The following SNRNP40 variants were observed in gnomAD, a reference collection of about 807,000 sequenced individuals.
SNRNP40 encodes small nuclear ribonucleoprotein U5 subunit 40, also known as U5 small nuclear ribonucleoprotein 40 kDa protein.
A neutral mutation model predicts 45.8 loss-of-function variants in SNRNP40; 21 were observed. The observed-to-expected ratio is 0.46, with a 90% CI of 0.32 to 0.66. The LOEUF is 0.66. SNRNP40 is among the 30% of genes least tolerant of loss of function. The pLI is 0.03. For synonymous variants in SNRNP40, 142 were observed against 163.8 expected, an observed-to-expected ratio of 0.87 and a Z score of 1.01; for missense variants, 344 against 439.1, an observed-to-expected ratio of 0.78 and a Z score of 1.94.
At chr1:31,275,155 G>T (rs1645966365) in intron 5 of SNRNP40, among the ~76,000 whole-genome samples, 2 of 152,170 alleles carry the variant, frequency 1.3e-5, no homozygotes, top group Non-Finnish European at 2.9e-5. Context: ...ACTGAGTGAT[G>T]ACTATTTGAT....
chr1:31,282,814 T>C (rs1475306664), intron 4 of SNRNP40, among the ~76,000 whole-genome samples: 6 of 152,144 alleles, frequency 3.9e-5, no homozygotes, highest in Admixed American at 3.3e-4. Context: ...TAGGTGGGAT[T>C]ACAGGCGTGT....
intron 5 of SNRNP40, among the ~76,000 whole-genome samples, chr1:31,278,300 T>C (rs143066419): frequency 7.6e-4 from 116 of 152,330 alleles, no homozygotes; most frequent in Non-Finnish European, 1.3e-3. Flanking sequence ...TGACAGTAAG[T>C]AGACTTTACT....
intron 8 of SNRNP40, among the ~76,000 whole-genome samples, chr1:31,266,483 T>TATTCAACCTCTGATTCTCCCCC (rs1645897624): frequency 6.6e-6 from 1 of 152,146 alleles, no homozygotes; most frequent in Non-Finnish European, 1.5e-5. Flanking sequence ...TGGACATCCC[T>TATTCAACCTCTGATTCTCCCCC]ATTCAACCTC....
chr1:31,276,018 T>C (rs1056577763), intron 5 of SNRNP40, among the ~76,000 whole-genome samples: 1 of 152,190 alleles, frequency 6.6e-6, no homozygotes, highest in African/African-American at 2.4e-5. Context: ...ACAGCCTAAA[T>C]GTCCAATGAC....
chr1:31,288,826 G>A (rs1646081010), intron 4 of SNRNP40, among the ~76,000 whole-genome samples: 1 of 152,044 alleles, frequency 6.6e-6, no homozygotes, highest in African/African-American at 2.4e-5. Flanking sequence ...CCACCTCCCG[G>A]GTGCACACCA....
At chr1:31,266,940 C>A (rs1214638249) in intron 8 of SNRNP40, among the ~76,000 whole-genome samples, 1 of 152,208 alleles carries the variant, frequency 6.6e-6, no homozygotes, top group Non-Finnish European at 1.5e-5. Flanking sequence ...GGAGGTACCT[C>A]ACTTTGTCTG....
chr1:31,290,833 G>A (rs1317593258), intron 3 of SNRNP40, among the ~76,000 whole-genome samples: 1 of 151,668 alleles, frequency 6.6e-6, no homozygotes, highest in Non-Finnish European at 1.5e-5. Context: ...AGCCGAGATC[G>A]CACCACTGCA....
intron 2 of SNRNP40, 27 bp from the exon 3 acceptor site, chr1:31,292,033 A>G (rs774668432): frequency 7.1e-7 from 1 of 1,404,516 alleles, no homozygotes; most frequent in Non-Finnish European, 1.0e-6. Context: ...TTCTGTGAGC[A>G]TTACTAGGCA....
intron 8 of SNRNP40, among the ~76,000 whole-genome samples, chr1:31,265,566 T>C (rs1285330193): frequency 6.6e-6 from 1 of 151,988 alleles, no homozygotes; most frequent in Non-Finnish European, 1.5e-5. Context: ...TACAGCTGGG[T>C]GCAGTGGTTC....
At chr1:31,294,109 A>G (rs1969125) in intron 1 of SNRNP40, among the ~76,000 whole-genome samples, 83,067 of 151,456 alleles carry the variant, frequency 0.55, 23,705 homozygotes, top group Non-Finnish European at 0.63. Flanking sequence ...AGGCATGCAC[A>G]ACCACGCCCG....
At chr1:31,273,640 C>CA (rs35647868) in intron 5 of SNRNP40, among the ~76,000 whole-genome samples, 89,901 of 148,912 alleles carry the variant, frequency 0.6, 27,182 homozygotes, top group Non-Finnish European at 0.65. Flanking sequence ...AACTCTGTCT[C>CA]AAAAAAAAAA....
At chr1:31,273,879 G>A (rs1645955613) in intron 5 of SNRNP40, among the ~76,000 whole-genome samples, 1 of 152,138 alleles carries the variant, frequency 6.6e-6, no homozygotes, top group South Asian at 2.1e-4. Flanking sequence ...TAGCTCTGGT[G>A]GAACAGAGAT....
At chr1:31,261,200 AAT>A in intron 9 of SNRNP40, 2 of 346,784 alleles carry the variant, frequency 5.8e-6, no homozygotes, top group East Asian at 8.1e-5. Context: ...AAAAAAAAAA[AAT>A]TAGCTGGGCA....
chr1:31,296,730 T>TA lies in SNRNP40; in HGVS notation c.21dup (p.Lys8Ter), dbSNP rs778648676. 6 of 1,611,900 alleles carry TA rather than the reference T, an allele frequency of 3.7e-6. No individual in the cohort carries two copies. The Admixed American group carries it at 5.0e-5, about 14-fold the overall frequency. ...GGAACCAGCGGCAACTCTGGGCCCT[T>TA]ACGCTTCTGCTGTTCTATCATGGCG... On this transcript the variant is annotated frameshift_variant, in exon 1 of 10. Coordinates refer to ENST00000263694, the MANE Select transcript of SNRNP40 (RefSeq NM_004814.3). LOFTEE classifies it high-confidence loss of function.
chr1:31,286,862 G>C (rs1646063269), intron 4 of SNRNP40, among the ~76,000 whole-genome samples: 1 of 152,144 alleles, frequency 6.6e-6, no homozygotes, highest in African/African-American at 2.4e-5. Context: ...TCTCTAACTA[G>C]AGCACCTTCC....
Position 31,271,534 on chromosome 1 carries a change from T to C in SNRNP40, c.655-35A>G, listed in dbSNP as rs16834326. ...CAGAAAGGTGCCCCCAGAAATCAAA[T>C]TAATAAAAGCAGAGAAAGAGAATGA... On this transcript the variant is annotated intron_variant, in intron 5 of 9. Coordinates refer to ENST00000263694, the MANE Select transcript of SNRNP40 (RefSeq NM_004814.3). 0.018 allele frequency: 27,897 copies of C among 1,587,666 alleles called. 4,186 individuals carry two copies. In the African/African-American group the frequency reaches 0.33, roughly 19 times the overall value.
chr1:31,286,844 T>G (rs954901300), intron 4 of SNRNP40, among the ~76,000 whole-genome samples: 1 of 152,228 alleles, frequency 6.6e-6, no homozygotes, highest in Non-Finnish European at 1.5e-5. Flanking sequence ...CTGGGCCACC[T>G]TGGCCCATCT....
At chr1:31,292,482 T>C (rs1363854189) in intron 2 of SNRNP40, among the ~76,000 whole-genome samples, 1 of 152,176 alleles carries the variant, frequency 6.6e-6, no homozygotes, top group Admixed American at 6.5e-5. Context: ...GTTTGGCCAC[T>C]AGTAAGCTTA....
At chr1:31,267,813 C>T (rs906532639) in intron 8 of SNRNP40, 58 bp downstream of exon 8, 17 of 1,356,796 alleles carry the variant, frequency 1.3e-5, no homozygotes, top group Admixed American at 1.0e-4. Context: ...ATTGCAGGCA[C>T]GAGCCACCGC....
Sources: allele counts gnomAD v4.1 joint callset (sites outside exome capture counted in the v4.1 genomes callset), GRCh38; gene constraint gnomAD v4.1.1; transcripts MANE v1.5; gene names NCBI Gene and HGNC (gene_info 2026-07-23, HGNC 2026-07-21).